The following PTPRD variants were observed in gnomAD, a reference collection of about 807,000 sequenced individuals.
PTPRD encodes protein tyrosine phosphatase receptor type D, also known as receptor-type tyrosine-protein phosphatase delta.
In PTPRD, 34 loss-of-function variants were observed where a neutral mutation model predicts 214.5. The observed-to-expected ratio is 0.16, with a 90% CI of 0.12 to 0.21. The LOEUF (loss-of-function observed/expected upper bound fraction) is 0.21. Ranked by LOEUF, PTPRD falls within the 10% of genes least tolerant of loss-of-function variation. The probability of loss-of-function intolerance (pLI) is 1.00; values close to 1 mark genes in which losing one functional copy is unlikely to be tolerated. For synonymous variants in PTPRD, 1,128 were observed against 845.7 expected (o/e 1.33, Z -5.79); for missense variants, 2,545 against 2,398.7 (o/e 1.06, Z -1.27).
At chr9:9,011,342 G>C (rs2099511025) in intron 11 of PTPRD, among the ~76,000 whole-genome samples, 1 of 152,080 alleles carries the variant, frequency 6.6e-6, no homozygotes, top group South Asian at 2.1e-4. Flanking sequence ...AAATATCATA[G>C]AATTAAGTGG....
At chr9:9,738,507 G>T (rs539398362) in intron 6 of PTPRD, among the ~76,000 whole-genome samples, 32 of 133,530 alleles carry the variant, frequency 2.4e-4, no homozygotes. Context: ...CCATCAGTGC[G>T]ATCTTGGCTC....
intron 14 of PTPRD, among the ~76,000 whole-genome samples, chr9:8,591,436 T>C (rs565406702): frequency 1.3e-5 from 2 of 152,288 alleles, no homozygotes; most frequent in South Asian, 2.1e-4. Context: ...CAACTTCATT[T>C]TGACTTCACT....
intron 4 of PTPRD, among the ~76,000 whole-genome samples, chr9:10,004,420 A>G (rs949270645): frequency 2.4e-4 from 36 of 151,934 alleles, no homozygotes; most frequent in African/African-American, 8.0e-4. Context: ...CAGAACCCCA[A>G]TCCCCAAAAT....
At chr9:9,970,671 A>T (rs1368822854) in intron 4 of PTPRD, among the ~76,000 whole-genome samples, 1 of 152,092 alleles carries the variant, frequency 6.6e-6, no homozygotes, top group African/African-American at 2.4e-5. Flanking sequence ...GAACATGAAG[A>T]AAGGGCATTC....
intron 9 of PTPRD, among the ~76,000 whole-genome samples, chr9:9,342,718 T>A (rs556311645): frequency 1.5e-4 from 23 of 152,086 alleles, no homozygotes; most frequent in South Asian, 4.2e-4. Context: ...TTTTTTTTTT[T>A]TTATTATTAT....
chr9:9,187,411 A>T (rs2099932286), intron 9 of PTPRD, among the ~76,000 whole-genome samples: 1 of 152,092 alleles, frequency 6.6e-6, no homozygotes, highest in Non-Finnish European at 1.5e-5. Context: ...AGGAAAAAAT[A>T]AGTTTTGAAA....
chr9:9,996,404 T>G (rs2096124589), intron 4 of PTPRD, among the ~76,000 whole-genome samples: 1 of 151,994 alleles, frequency 6.6e-6, no homozygotes, highest in African/African-American at 2.4e-5. Context: ...GCTGATAAAA[T>G]AAAAGAAAAC....
chr9:10,036,635 A>C (rs890684140), intron 3 of PTPRD, among the ~76,000 whole-genome samples: 8 of 151,824 alleles, frequency 5.3e-5, no homozygotes, highest in African/African-American at 1.9e-4. Context: ...ACCAGGCTGG[A>C]GTGCAGTGGT....
At chr9:9,981,593 C>T (rs1290648995) in intron 4 of PTPRD, among the ~76,000 whole-genome samples, 3 of 151,970 alleles carry the variant, frequency 2.0e-5, no homozygotes, top group African/African-American at 7.3e-5. Flanking sequence ...ATCTCCTGAC[C>T]TTGTGATCTG....
chr9:8,674,497 A>G (rs991938684), intron 12 of PTPRD, among the ~76,000 whole-genome samples: 2 of 151,208 alleles, frequency 1.3e-5, no homozygotes, highest in Non-Finnish European at 2.9e-5. Context: ...TGAAGTTAAT[A>G]CAAGCAAAAA....
intron 3 of PTPRD, among the ~76,000 whole-genome samples, chr9:10,326,052 T>C (rs1294659173): frequency 2.0e-5 from 3 of 151,788 alleles, no homozygotes. Flanking sequence ...CACTGATTAA[T>C]TGTAAGGTAG....
rs544881310 is a variant in PTPRD, at chr9:8,752,888, C to A, written c.-103-18942G>T. The stretch of plus-strand genomic sequence containing the variant: ...ATTAAGTGGGTACTGGGTTAAGCTA[C>A]TAAGTTTAGGGATGGTTTGGTATAC... On this transcript the variant is annotated intron_variant, in intron 11 of 45. Transcript: ENST00000381196. Among the ~76,000 whole-genome samples the A allele has an allele frequency of 4.6e-5, 7 of 152,292 alleles. No individual in the cohort carries two copies. In the South Asian group the frequency reaches 1.4e-3, roughly 32 times the overall value.
chr9:10,438,103 T>C (rs73644454), intron 2 of PTPRD, among the ~76,000 whole-genome samples: 6,441 of 148,416 alleles, frequency 0.043, 538 homozygotes, highest in African/African-American at 0.16. Context: ...CAAAATAACA[T>C]ATTTACTAAG....
chr9:8,923,338 G>A (rs563296646), intron 11 of PTPRD, among the ~76,000 whole-genome samples: 1 of 152,054 alleles, frequency 6.6e-6, no homozygotes, highest in South Asian at 2.1e-4. Flanking sequence ...CACCGCGCCT[G>A]GCCAGCTTCT....
chr9:9,780,527 C>A (rs2098834990), intron 5 of PTPRD, among the ~76,000 whole-genome samples: 2 of 152,064 alleles, frequency 1.3e-5, no homozygotes, highest in Admixed American at 1.3e-4. Flanking sequence ...TCATTGGTAA[C>A]AAAGAGTTAC....
At chr9:9,821,101 T>A (rs1291963371) in intron 5 of PTPRD, among the ~76,000 whole-genome samples, 2 of 152,186 alleles carry the variant, frequency 1.3e-5, no homozygotes, top group Non-Finnish European at 2.9e-5. Flanking sequence ...ATTATTTCAA[T>A]CCATGAGCAT....
In PTPRD at chr9:9,834,401, G is replaced by C. The variant is rs1019038767; in HGVS notation, c.-367-67550C>G. ...GATTGACATTAGCATTAACTGTTGA[G>C]AACCCTGAACTCCACAAATTCACCA... On this transcript the variant is annotated intron_variant, in intron 5 of 45. Coordinates refer to ENST00000381196, the MANE Select transcript of PTPRD (RefSeq NM_002839.4). 4.6e-5 allele frequency among the ~76,000 whole-genome samples: 7 copies of C among 152,158 alleles called. 1 individual carries two copies. Among genetic ancestry groups the C allele is most frequent in the Non-Finnish European group, 5.9e-5 (4 of 67,970 alleles).
At chr9:9,093,209 G>T (rs1218658241) in intron 10 of PTPRD, among the ~76,000 whole-genome samples, 2 of 151,942 alleles carry the variant, frequency 1.3e-5, no homozygotes, top group African/African-American at 2.4e-5. Context: ...ACTAAAAGGA[G>T]AATTAAGCAA....
intron 14 of PTPRD, among the ~76,000 whole-genome samples, chr9:8,600,267 C>T (rs1297517616): frequency 6.6e-6 from 1 of 152,192 alleles, no homozygotes; most frequent in East Asian, 1.9e-4. Context: ...GCTTGAGTTC[C>T]CACAAGCCTC....
Sources: gnomAD v4.1 joint callset for allele counts (sites outside exome capture counted in the v4.1 genomes callset) on GRCh38, gnomAD v4.1.1 for gene constraint, MANE v1.5 for transcripts, NCBI Gene and HGNC (gene_info 2026-07-23, HGNC 2026-07-21) for gene names.